The following PLD1 variants were observed in gnomAD, a reference collection of about 807,000 sequenced individuals.
PLD1 encodes the protein choline phosphatase 1.
PLD1 carries 112 observed loss-of-function variants against 137.1 expected under a neutral mutation model. The observed-to-expected ratio is 0.82, with a 90% CI of 0.70 to 0.96. PLD1 has a LOEUF of 0.96. Ranked by LOEUF, PLD1 falls within the 40% of genes least tolerant of loss-of-function variation. The probability of loss-of-function intolerance (pLI) is 0.00; values close to 1 mark genes in which losing one functional copy is unlikely to be tolerated. For synonymous variants in PLD1, 431 were observed against 454.7 expected (o/e 0.95, Z 0.66); for missense variants, 1,321 against 1,342.0 (o/e 0.98, Z 0.24).
intron 8 of PLD1, 107 bp from the exon 9 acceptor site, chr3:171,714,152 A>G (rs1247729190): frequency 3.0e-6 from 2 of 664,292 alleles, no homozygotes; most frequent in African/African-American, 3.6e-5. Context: ...GACTGTAGAC[A>G]TAATTACATT....
intron 1 of PLD1, among the ~76,000 whole-genome samples, chr3:171,791,005 C>T (rs1723190955): frequency 6.6e-6 from 1 of 152,182 alleles, no homozygotes; most frequent in South Asian, 2.1e-4. Flanking sequence ...CTGCTATGTA[C>T]ATAGGACACA....
At chr3:171,670,673 T>C (rs1267366342) in intron 19 of PLD1, among the ~76,000 whole-genome samples, 1 of 152,254 alleles carries the variant, frequency 6.6e-6, no homozygotes, top group Non-Finnish European at 1.5e-5. Flanking sequence ...TTATCCTTCC[T>C]TTTAATTTTT....
At position 171,614,474 on chromosome 3, in the gene PLD1, A is replaced by G. The variant is rs527592728; in HGVS notation, c.2729-2042T>C. ...GTGGGAATTAAGTAAGACCATGTGA[A>G]AGCACTTAATGATTTACAAGCTGCT... On this transcript the variant is annotated intron_variant, in intron 24 of 26. Coordinates refer to ENST00000351298, the MANE Select transcript of PLD1 (RefSeq NM_002662.5). Among the ~76,000 whole-genome samples, 3 of 152,344 alleles carry G rather than the reference A, an allele frequency of 2.0e-5. No individual in the cohort carries two copies. The East Asian group carries it at 5.8e-4, about 29-fold the overall frequency.
chr3:171,790,679 A>C (rs1250318125), intron 1 of PLD1, among the ~76,000 whole-genome samples: 1 of 152,132 alleles, frequency 6.6e-6, no homozygotes, highest in Non-Finnish European at 1.5e-5. Context: ...CTCTTCCTCT[A>C]TTCTCTGTCT....
intron 19 of PLD1, among the ~76,000 whole-genome samples, chr3:171,672,012 G>A (rs1316857100): frequency 7.4e-6 from 1 of 134,764 alleles, no homozygotes; most frequent in Non-Finnish European, 1.5e-5. Context: ...GCCTTATGCT[G>A]TCTAACTTCA....
At chr3:171,631,607 A>G (rs1162633597) in intron 23 of PLD1, among the ~76,000 whole-genome samples, 1 of 152,156 alleles carries the variant, frequency 6.6e-6, no homozygotes, top group African/African-American at 2.4e-5. Context: ...TTGGGAATAT[A>G]TGAGTCTGGG....
chr3:171,793,502 G>A (rs995570544), intron 1 of PLD1: 10 of 152,014 alleles, frequency 6.6e-5, no homozygotes, highest in Non-Finnish European at 2.9e-5. Context: ...CCCCTTATCT[G>A]TGGTTTCATG....
At chr3:171,689,502 C>CCTT (rs1246503450) in intron 13 of PLD1, among the ~76,000 whole-genome samples, 1 of 151,604 alleles carries the variant, frequency 6.6e-6, no homozygotes, top group Non-Finnish European at 1.5e-5. Flanking sequence ...TTCCTTCCTT[C>CCTT]CTTCCTTCCT....
rs760812874 is a variant in PLD1, at chr3:171,709,725, CA to C, written c.912-17del. ...AATAAGTGTCCTTTAAAGAAAAAGC[CA>C]AATATTGAAAAGACTGGTCACTCTG... On this transcript the variant is annotated splice_polypyrimidine_tract_variant and intron_variant, in intron 9 of 26. Coordinates refer to ENST00000351298, the MANE Select transcript of PLD1 (RefSeq NM_002662.5). 6.2e-7 allele frequency: 1 copy of C among 1,606,452 alleles called. No homozygotes were observed. The highest frequency in any genetic ancestry group is 8.5e-7 in the Non-Finnish European group (1 of 1,176,304).
chr3:171,711,582 C>G (rs1717237714), intron 9 of PLD1, among the ~76,000 whole-genome samples: 1 of 152,018 alleles, frequency 6.6e-6, no homozygotes, highest in Admixed American at 6.5e-5. Flanking sequence ...CATGAGTATC[C>G]TTTCAGGCAT....
At chr3:171,688,978 C>A in intron 13 of PLD1, 102 bp from the exon 14 acceptor site, 1 of 782,232 alleles carries the variant, frequency 1.3e-6, no homozygotes, top group Non-Finnish European at 2.2e-6. Context: ...TTCTATAATT[C>A]AAATACCAAA....
At position 171,697,316 on chromosome 3, in the gene PLD1, C is replaced by T. The variant is rs567176596; in HGVS notation, c.1227+2429G>A. ...CTGGAGTGCAGTGGCACAATCTCGA[C>T]TCACTGCAAGCTCCGCCTCCCGGGT... On this transcript the variant is annotated intron_variant, in intron 12 of 26. Transcript: ENST00000351298. 1.9e-3 allele frequency among the ~76,000 whole-genome samples: 280 copies of T among 145,648 alleles called. 2 individuals are homozygous for T. Among genetic ancestry groups the T allele is most frequent in the Non-Finnish European group, 3.0e-3 (202 of 67,012 alleles).
At chr3:171,726,373 T>C (rs1231906837) in intron 6 of PLD1, among the ~76,000 whole-genome samples, 1 of 152,154 alleles carries the variant, frequency 6.6e-6, no homozygotes, top group Non-Finnish European at 1.5e-5. Context: ...TCAATATTCT[T>C]TCATGTTTGT....
At chr3:171,623,991 C>A (rs1578127890) in intron 23 of PLD1, among the ~76,000 whole-genome samples, 4 of 130,390 alleles carry the variant, frequency 3.1e-5, no homozygotes, top group East Asian at 2.2e-4. Flanking sequence ...TGTAAGTATC[C>A]AGAGGCAAAA....
At chr3:171,722,533 T>G (rs1718205089) in intron 8 of PLD1, among the ~76,000 whole-genome samples, 1 of 152,196 alleles carries the variant, frequency 6.6e-6, no homozygotes, top group Admixed American at 6.5e-5. Context: ...TCTACAGATT[T>G]GTCTATTCTG....
In PLD1 at chr3:171,612,277, A is replaced by C. The variant is rs1085307450; in HGVS notation, c.2882+2T>G. On this transcript the variant is annotated splice_donor_variant, in intron 25 of 26. Coordinates refer to ENST00000351298, the MANE Select transcript of PLD1 (RefSeq NM_002662.5). LOFTEE classifies it high-confidence loss of function. This position sits in a 1 kb window ranked among gnomAD's most constrained non-coding sequence, Gnocchi z 4.1. ...CAGAGAGACACACTTTGGCGGACTGACCTAAAGCACTGTAGCCGAAGTCCT... is the reference window on the plus strand; with the variant it reads ...CAGAGAGACACACTTTGGCGGACTGCCCTAAAGCACTGTAGCCGAAGTCCT... 6.2e-7 allele frequency: 1 copy of C among 1,613,752 alleles called. No homozygotes were observed. Among genetic ancestry groups the C allele is most frequent in the Admixed American group, 1.7e-5 (1 of 59,994 alleles).
At chr3:171,743,344 T>A (rs1371308166) in intron 1 of PLD1, among the ~76,000 whole-genome samples, 1 of 152,222 alleles carries the variant, frequency 6.6e-6, no homozygotes, top group East Asian at 1.9e-4. Context: ...CTGGCTGGGC[T>A]ACTCTAAGAA....
intron 16 of PLD1, among the ~76,000 whole-genome samples, chr3:171,680,242 CTTTTTTTTTTTTTT>C (rs571538714): frequency 1.9e-5 from 2 of 102,928 alleles, no homozygotes; most frequent in African/African-American, 4.2e-5. Context: ...TTTTCTTCCT[CTTTTTTTTTTTTTT>C]TTTTTTTTTT....
intron 21 of PLD1, among the ~76,000 whole-genome samples, chr3:171,649,177 TA>T (rs1202028470): frequency 6.6e-6 from 1 of 152,204 alleles, no homozygotes; most frequent in East Asian, 1.9e-4. Flanking sequence ...AAATGTCCTA[TA>T]AAAATATTAT....
Sources: gnomAD v4.1 joint callset for allele counts (sites outside exome capture counted in the v4.1 genomes callset) on GRCh38, gnomAD v4.1.1 for gene constraint, Gnocchi (gnomAD v3.1) non-coding constraint, MANE v1.5 for transcripts, NCBI Gene and HGNC (gene_info 2026-07-23, HGNC 2026-07-21) for gene names.